TAOK1: variants seen among roughly 807,000 people sequenced by gnomAD.
TAOK1 encodes the protein serine/threonine-protein kinase TAO1.
A neutral mutation model predicts 138.3 loss-of-function variants in TAOK1; 21 were observed. The observed-to-expected ratio is 0.15, with a 90% CI of 0.11 to 0.22. TAOK1 has a LOEUF of 0.22. Among genes scored for constraint, TAOK1 ranks in the 10% least tolerant of loss-of-function variants. The probability of loss-of-function intolerance (pLI) is 1.00; values close to 1 mark genes in which losing one functional copy is unlikely to be tolerated. For missense variants in TAOK1, 651 were observed against 1,227.7 expected (o/e 0.53, Z 7.02); for synonymous variants, 361 against 398.4 (o/e 0.91, Z 1.12).
Position 29,509,461 on chromosome 17 carries a change from C to T in TAOK1, c.1575+1329C>T, listed in dbSNP as rs2031680302. ...AGGTGACCTTCCTGCCTCGGCCTCC[C>T]AAAGTGCTGGGATTATAGATGTGAG... is the stretch of plus-strand genomic sequence containing the variant. On this transcript the variant is annotated intron_variant, in intron 14 of 19. Coordinates refer to ENST00000261716, the MANE Select transcript of TAOK1 (RefSeq NM_020791.4). Among the ~76,000 whole-genome samples, 4 of 152,014 alleles carry T rather than the reference C, an allele frequency of 2.6e-5. No individual in the cohort carries two copies. The South Asian group carries it at 8.3e-4, about 32-fold the overall frequency.
chr17:29,533,620 C>A (rs2032168652), intron 18 of TAOK1, among the ~76,000 whole-genome samples: 1 of 152,022 alleles, frequency 6.6e-6, no homozygotes, highest in Admixed American at 6.6e-5. Flanking sequence ...TGGCGGATCA[C>A]TTGCGGTTAG....
intron 8 of TAOK1, among the ~76,000 whole-genome samples, chr17:29,482,654 C>CT (rs1309917359): frequency 2.0e-5 from 3 of 150,290 alleles, no homozygotes; most frequent in African/African-American, 4.9e-5. Flanking sequence ...GTAGTTACTA[C>CT]TTTTTTTTTA....
intron 1 of TAOK1, among the ~76,000 whole-genome samples, chr17:29,427,963 A>G (rs12449708): frequency 0.16 from 24,103 of 151,604 alleles, 2,048 homozygotes; most frequent in Admixed American, 0.21. Flanking sequence ...TTTTATTATA[A>G]GACTATTAAG....
At chr17:29,443,987 C>A (rs2030012086) in intron 1 of TAOK1, among the ~76,000 whole-genome samples, 1 of 151,994 alleles carries the variant, frequency 6.6e-6, no homozygotes, top group Admixed American at 6.6e-5. Flanking sequence ...TGGTGGCACA[C>A]ACCTGTAATC....
intron 1 of TAOK1, among the ~76,000 whole-genome samples, chr17:29,444,974 A>G (rs942340120): frequency 1.3e-5 from 2 of 152,200 alleles, no homozygotes; most frequent in African/African-American, 2.4e-5. Context: ...AATATTGTCA[A>G]TAAGTAGAGA....
chr17:29,401,985 T>A (rs1904859261), intron 1 of TAOK1, among the ~76,000 whole-genome samples: 1 of 152,206 alleles, frequency 6.6e-6, no homozygotes, highest in Non-Finnish European at 1.5e-5. Context: ...CTTTTACTTC[T>A]AATCTTCTGT....
intron 11 of TAOK1, among the ~76,000 whole-genome samples, chr17:29,496,965 GAACATGGGTTCA>G (rs2031427168): frequency 6.6e-6 from 1 of 152,076 alleles, no homozygotes; most frequent in Non-Finnish European, 1.5e-5. Context: ...GTAGGTAGAG[GAACATGGGTTCA>G]AATTCATACC....
chr17:29,534,431 T>C, intron 19 of TAOK1, 131 bp downstream of exon 19: 1 of 828,278 alleles, frequency 1.2e-6, no homozygotes. Flanking sequence ...TGAATTCTAG[T>C]TATGGCAGCA....
At chr17:29,520,120 G>T (rs1388805759) in intron 16 of TAOK1, among the ~76,000 whole-genome samples, 2 of 151,166 alleles carry the variant, frequency 1.3e-5, no homozygotes, top group African/African-American at 2.4e-5. Context: ...GGCGGAGGTT[G>T]CAGTGAGCTG....
intron 6 of TAOK1, chr17:29,480,011 C>T (rs2031027416): frequency 6.4e-6 from 1 of 155,190 alleles, no homozygotes; most frequent in South Asian, 2.1e-4. Flanking sequence ...TATGGATACT[C>T]AGAAATCTTA....
intron 2 of TAOK1, among the ~76,000 whole-genome samples, chr17:29,453,305 G>A (rs1203389341): frequency 4.0e-5 from 6 of 151,368 alleles, no homozygotes; most frequent in African/African-American, 7.3e-5. Context: ...GACTACAGGC[G>A]CCCACCACCA....
chr17:29,519,636 C>T (rs1008318314), intron 16 of TAOK1, among the ~76,000 whole-genome samples: 1 of 151,902 alleles, frequency 6.6e-6, no homozygotes, highest in Non-Finnish European at 1.5e-5. Context: ...CATAATTGTG[C>T]GAGTTTACTA....
chr17:29,451,481 A>C lies in TAOK1; in HGVS notation c.-68A>C. ...AGTTTATGCCAACGTGACTTCATTC[A>C]TACAGATGAACCAAGGATCGGGATA... On this transcript the variant is annotated 5_prime_UTR_variant, in exon 2 of 20. Transcript: ENST00000261716. 1 of 1,502,026 alleles carries C rather than the reference A, an allele frequency of 6.7e-7. No homozygotes were observed. Among genetic ancestry groups the C allele is most frequent in the Non-Finnish European group, 8.9e-7 (1 of 1,127,408 alleles). 93.0% of individuals were successfully genotyped at this position (1,502,026 alleles called of 1,614,324 possible).
At chr17:29,446,680 A>T (rs1386403086) in intron 1 of TAOK1, among the ~76,000 whole-genome samples, 1 of 152,056 alleles carries the variant, frequency 6.6e-6, no homozygotes, top group African/African-American at 2.4e-5. Context: ...TTCAGTCAAC[A>T]GTGGACCACG....
intron 12 of TAOK1, among the ~76,000 whole-genome samples, chr17:29,501,611 C>T (rs1015093555): frequency 5.3e-5 from 8 of 152,072 alleles, no homozygotes; most frequent in African/African-American, 1.9e-4. Flanking sequence ...TTCCAAAACC[C>T]AAGAGCCTTT....
At chr17:29,410,381 G>T (rs988570950) in intron 1 of TAOK1, among the ~76,000 whole-genome samples, 1 of 152,210 alleles carries the variant, frequency 6.6e-6, no homozygotes, top group South Asian at 2.1e-4. Flanking sequence ...CTCCCGAGTA[G>T]CTGGGATTAC....
chr17:29,444,931 T>G (rs2030039770), intron 1 of TAOK1, among the ~76,000 whole-genome samples: 2 of 152,340 alleles, frequency 1.3e-5, no homozygotes, highest in South Asian at 4.1e-4. Flanking sequence ...CATTGCTATT[T>G]TGTACATTTT....
In TAOK1 at chr17:29,451,452, C is replaced by G; in HGVS notation, c.-94-3C>G. On this transcript the variant is annotated splice_polypyrimidine_tract_variant and splice_region_variant and intron_variant, in intron 1 of 19. Transcript: ENST00000261716. ...CTGACTTTTTTTTTCTATTTTTCTACAGTAGTTTATGCCAACGTGACTTCA... is the reference window on the plus strand; with the variant it reads ...CTGACTTTTTTTTTCTATTTTTCTAGAGTAGTTTATGCCAACGTGACTTCA... The G allele has an allele frequency of 1.4e-6, 2 of 1,387,408 alleles. No individual in the cohort carries two copies. Among genetic ancestry groups the G allele is most frequent in the Non-Finnish European group, 1.9e-6 (2 of 1,054,810 alleles). 85.9% of individuals were successfully genotyped at this position (1,387,408 alleles called of 1,614,324 possible). A position where few individuals can be genotyped will look rare whatever the true frequency, so the allele number is the denominator to read the frequency against.
At position 29,551,503 on chromosome 17, in the gene TAOK1, A is replaced by G. The variant is rs772063001; in HGVS notation, c.*8481A>G. 1.3e-5 allele frequency: 2 copies of G among 152,392 alleles called. No homozygotes were observed. Among genetic ancestry groups the G allele is most frequent in the Non-Finnish European group, 2.9e-5 (2 of 68,046 alleles). 9.4% of individuals were successfully genotyped at this position (152,392 alleles called of 1,614,324 possible). On this transcript the variant is annotated 3_prime_UTR_variant, in exon 20 of 20. Transcript: ENST00000261716. ...CCACTTTACCAATAACTAATTTTAA[A>G]TACACATTGTCCTCTCGATTTTTGG...
Sources: allele counts gnomAD v4.1 joint callset (sites outside exome capture counted in the v4.1 genomes callset), GRCh38; gene constraint gnomAD v4.1.1; transcripts MANE v1.5; gene names NCBI Gene and HGNC (gene_info 2026-07-23, HGNC 2026-07-21).